IK: variants seen among roughly 807,000 people sequenced by gnomAD.
IK encodes protein Red.
In IK, 47 loss-of-function variants were observed where a neutral mutation model predicts 90.9. The observed-to-expected ratio is 0.52, with a 90% CI of 0.41 to 0.66. IK has a LOEUF of 0.66. IK is among the 30% of genes least tolerant of loss of function. IK has a pLI of 0.00. For missense variants in IK, 385 were observed against 709.3 expected (o/e 0.54, Z 5.19); for synonymous variants, 201 against 227.5 (o/e 0.88, Z 1.05).
intron 2 of IK, 139 bp from the exon 3 acceptor site, chr5:140,651,575 C>CAAA (rs35439932): frequency 2.0e-4 from 91 of 459,074 alleles, no homozygotes; most frequent in Non-Finnish European, 2.6e-4. Flanking sequence ...GACTCCGTCT[C>CAAA]AAAAAAAAAA....
intron 9 of IK, among the ~76,000 whole-genome samples, chr5:140,656,396 T>C (rs932449758): frequency 6.6e-6 from 1 of 152,202 alleles, no homozygotes; most frequent in African/African-American, 2.4e-5. Flanking sequence ...TTTTACCACG[T>C]TGGCTAGGCT....
intron 6 of IK, 95 bp downstream of exon 6, chr5:140,654,147 G>C (rs1309815114): frequency 1.3e-6 from 1 of 744,234 alleles, no homozygotes; most frequent in African/African-American, 1.7e-5. Flanking sequence ...TGAGAGTTCA[G>C]ACTGAGTAGA....
Position 140,650,303 on chromosome 5 carries a change from T to C in IK, c.84-1411T>C, listed in dbSNP as rs377178560. Among the ~76,000 whole-genome samples the C allele has an allele frequency of 1.1e-4, 16 of 152,200 alleles. 1 individual carries two copies. In the South Asian group the frequency reaches 3.3e-3, roughly 32 times the overall value. ...AAGAGGAACTTGATTAGATATCAAGTTGGATTGGATATCAAGAGTGGGAAA... is the reference window on the plus strand; with the variant it reads ...AAGAGGAACTTGATTAGATATCAAGCTGGATTGGATATCAAGAGTGGGAAA... On this transcript the variant is annotated intron_variant, in intron 2 of 19. Transcript: ENST00000417647.
chr5:140,648,186 T>C (rs1378708339), intron 1 of IK: 2 of 704,806 alleles, frequency 2.8e-6, no homozygotes, highest in African/African-American at 1.7e-5. Context: ...TTTCCCCCAG[T>C]CCTGTCCCCA....
At position 140,661,496 on chromosome 5, in the gene IK, C is replaced by A; in HGVS notation, c.1414-124C>A. 1.5e-6 allele frequency: 1 copy of A among 646,042 alleles called. No individual in the cohort carries two copies. The highest frequency in any genetic ancestry group is 2.8e-6 in the Non-Finnish European group (1 of 360,354). The allele number at this position is 646,042 out of a possible 1,614,324, so 40.0% of individuals were successfully genotyped here. On this transcript the variant is annotated intron_variant, in intron 16 of 19. Coordinates refer to ENST00000417647, the MANE Select transcript of IK (RefSeq NM_006083.4). The surrounding 1 kb of genome is among the most constrained non-coding windows in gnomAD (Gnocchi z 4.2). ...GTAATAAGCATTTATTATTACTTAT[C>A]AGGGTATGATTTATGAATTGTGGAA...
chr5:140,654,182 G>C, intron 6 of IK, 130 bp downstream of exon 6: 1 of 647,430 alleles, frequency 1.5e-6, no homozygotes, highest in Non-Finnish European at 2.7e-6. Flanking sequence ...TGGCCCCTCT[G>C]AAAAGCTGAT....
At position 140,661,458 on chromosome 5, in the gene IK, A is replaced by G. The variant is rs545831691; in HGVS notation, c.1414-162A>G. The G allele has an allele frequency of 1.3e-4, 77 of 611,994 alleles. 2 individuals are homozygous for G. In the South Asian group the frequency reaches 1.5e-3, roughly 12 times the overall value. 37.9% of individuals were successfully genotyped at this position (611,994 alleles called of 1,614,324 possible). ...TTTAGTGTACAGAATAATGCCTGTC[A>G]CATAGTAAGTATGTAATAAGCATTT... On this transcript the variant is annotated intron_variant, in intron 16 of 19. Transcript: ENST00000417647. This position sits in a 1 kb window ranked among gnomAD's most constrained non-coding sequence, Gnocchi z 4.2.
chr5:140,660,288 A>ATTTTTTTTT, intron 15 of IK, 93 bp downstream of exon 15: 1 of 398,132 alleles, frequency 2.5e-6, no homozygotes. Flanking sequence ...TCCCAGGGCT[A>ATTTTTTTTT]CTTCTTTTTT....
intron 5 of IK, among the ~76,000 whole-genome samples, chr5:140,653,597 C>G (rs774378314): frequency 6.6e-5 from 6 of 90,630 alleles, no homozygotes; most frequent in Non-Finnish European, 1.4e-4. Context: ...AACCCCCTTT[C>G]CCCCACCCCC....
intron 13 of IK, 120 bp from the exon 14 acceptor site, chr5:140,659,636 G>C: frequency 1.4e-6 from 1 of 714,142 alleles, no homozygotes; most frequent in Non-Finnish European, 2.4e-6. Context: ...ATTGGAGTTT[G>C]TTTAAAACTT....
intron 2 of IK, chr5:140,649,125 C>G (rs1032231961): frequency 1.3e-5 from 2 of 153,094 alleles, no homozygotes; most frequent in Non-Finnish European, 2.9e-5. Flanking sequence ...GCGTGAGCCA[C>G]CGTGCCTGGC....
chr5:140,660,670 A>T, intron 15 of IK, 88 bp from the exon 16 acceptor site: 1 of 1,014,042 alleles, frequency 9.9e-7, no homozygotes, highest in South Asian at 1.3e-5. Context: ...GGTCATTCCT[A>T]TGCAGATAAC....
At chr5:140,648,260 GTCT>G (rs1757529380) in intron 1 of IK, 2 of 706,674 alleles carry the variant, frequency 2.8e-6, no homozygotes, top group East Asian at 2.7e-5. Flanking sequence ...TCTTCCGGAA[GTCT>G]TCTCTGATCC....
chr5:140,660,272 G>A (rs749271900), intron 15 of IK, 77 bp downstream of exon 15: 27 of 797,620 alleles, frequency 3.4e-5, no homozygotes, highest in South Asian at 3.2e-4. Flanking sequence ...AATTTGATTC[G>A]CTAAGTCCCA....
intron 14 of IK, 77 bp downstream of exon 14, chr5:140,659,911 C>T: frequency 9.5e-7 from 1 of 1,055,600 alleles, no homozygotes; most frequent in Non-Finnish European, 1.4e-6. Flanking sequence ...CTCCCTGCTC[C>T]CTCCTACCCT....
intron 2 of IK, among the ~76,000 whole-genome samples, chr5:140,650,326 A>T (rs1248231788): frequency 6.6e-6 from 1 of 152,208 alleles, no homozygotes; most frequent in East Asian, 1.9e-4. Flanking sequence ...CAAGAGTGGG[A>T]AAACTTTCTG....
rs1260723785 is a variant in IK, at chr5:140,648,495, C to T, written c.41C>T (p.Ala14Val). The change falls in exon 2 of 20, where the codon GCC becomes GTC. Residue 14 changes from alanine (A) to valine (V), a missense_variant. Ala to Val is a moderately conservative substitution (Grantham distance 64). Transcript: ENST00000417647. Reference sequence around the variant, plus strand: ...GGTGAGCCGTTCTCCAACCCTTTGGCCCCCGATGGCCACGATGTGGATGAT... The same window carrying T: ...GGTGAGCCGTTCTCCAACCCTTTGGTCCCCGATGGCCACGATGTGGATGAT... The part of the protein sequence containing the change: ...RDSEPFSNPL[A>V]PDGHDVDDPH... 1.2e-6 allele frequency: 2 copies of T among 1,613,850 alleles called. No individual in the cohort carries two copies. Among genetic ancestry groups the T allele is most frequent in the East Asian group, 2.2e-5 (1 of 44,892 alleles).
intron 10 of IK, among the ~76,000 whole-genome samples, chr5:140,658,186 A>G (rs1421649880): frequency 6.6e-6 from 1 of 151,976 alleles, no homozygotes; most frequent in Admixed American, 6.6e-5. Context: ...TTGTATTTTC[A>G]GTAGAGATGG....
rs775477746 is a variant in IK at position 140,647,874 on chromosome 5, T to C, written c.-35T>C. 2.5e-6 allele frequency: 4 copies of C among 1,613,582 alleles called. No homozygotes were observed. The highest frequency in any genetic ancestry group is 3.4e-6 in the Non-Finnish European group (4 of 1,179,646). On this transcript the variant is annotated 5_prime_UTR_variant, in exon 1 of 20. Transcript: ENST00000417647. ...TCGCTGCGGTGTTGCTGTTGGAGAC[T>C]CGATTGTTGGTGACAGCGAAAGAAC... is the stretch of plus-strand genomic sequence containing the variant.
Sources: allele counts gnomAD v4.1 joint callset (sites outside exome capture counted in the v4.1 genomes callset), GRCh38; gene constraint gnomAD v4.1.1; non-coding constraint Gnocchi (gnomAD v3.1); transcripts MANE v1.5; gene names NCBI Gene and HGNC (gene_info 2026-07-23, HGNC 2026-07-21).